The following TTLL5 variants were observed in gnomAD, a reference collection of about 807,000 sequenced individuals.
The protein encoded by TTLL5 is tubulin polyglutamylase TTLL5.
Under a neutral mutation model 168.4 loss-of-function variants are expected in TTLL5, and 132 were observed. The observed-to-expected ratio is 0.78, with a 90% confidence interval of 0.68 to 0.91. The LOEUF is 0.91. TTLL5 is among the 40% of genes least tolerant of loss of function. TTLL5 has a pLI of 0.00. For missense variants in TTLL5, 1,545 were observed against 1,581.5 expected, an observed-to-expected ratio of 0.98 and a Z score of 0.39; for synonymous variants, 546 against 558.6, an observed-to-expected ratio of 0.98 and a Z score of 0.32.
At chr14:75,929,302 C>A (rs1004976357) in intron 31 of TTLL5, among the ~76,000 whole-genome samples, 18 of 152,096 alleles carry the variant, frequency 1.2e-4, no homozygotes, top group African/African-American at 4.3e-4. Flanking sequence ...GTCTCAGGGT[C>A]CTCATGGTTT....
chr14:75,775,361 G>C (rs1246157668), intron 21 of TTLL5, 123 bp from the exon 22 acceptor site: 2 of 1,131,446 alleles, frequency 1.8e-6, no homozygotes, highest in Non-Finnish European at 2.5e-6. Context: ...TCTGGGTCTT[G>C]TTTGTTGAAA....
intron 23 of TTLL5, 88 bp downstream of exon 23, chr14:75,776,938 C>A: frequency 9.4e-7 from 1 of 1,063,002 alleles, no homozygotes. Context: ...GTTTCTGATA[C>A]ATGGATGTGA....
intron 10 of TTLL5, among the ~76,000 whole-genome samples, chr14:75,718,832 A>C (rs1372015546): frequency 1.3e-5 from 2 of 152,220 alleles, no homozygotes; most frequent in African/African-American, 4.8e-5. Flanking sequence ...AGAGACCCAA[A>C]TAGTTACTTT....
chr14:75,809,608 G>A (rs1893872209), intron 27 of TTLL5, among the ~76,000 whole-genome samples: 2 of 152,118 alleles, frequency 1.3e-5, no homozygotes, highest in African/African-American at 4.8e-5. Context: ...ACTATTTTGA[G>A]ATATACAATA....
chr14:75,668,185 A>C (rs1883438905), intron 2 of TTLL5, among the ~76,000 whole-genome samples: 1 of 152,128 alleles, frequency 6.6e-6, no homozygotes, highest in African/African-American at 2.4e-5. Flanking sequence ...GGCCAAGTGG[A>C]TTGTATTGCA....
Position 75,954,474 on chromosome 14 carries a change from T to C in TTLL5, c.*28T>C. ...CACAAACACACAGAGAAACAACCTG[T>C]TCACCACTCCTGGGTGCATGATTGA... On this transcript the variant is annotated 3_prime_UTR_variant, in exon 32 of 32. Coordinates refer to ENST00000298832, the MANE Select transcript of TTLL5 (RefSeq NM_015072.5). The C allele has an allele frequency of 6.2e-7, 1 of 1,613,226 alleles. No homozygotes were observed. The highest frequency in any genetic ancestry group is 8.5e-7 in the Non-Finnish European group (1 of 1,179,340).
intron 30 of TTLL5, chr14:75,886,585 T>C: frequency 8.2e-7 from 1 of 1,214,326 alleles, no homozygotes; most frequent in Admixed American, 2.3e-5. Context: ...TAGCTAAATC[T>C]CATTTGTCAG....
At chr14:75,930,621 C>T in intron 31 of TTLL5, 1 of 985,244 alleles carries the variant, frequency 1.0e-6, no homozygotes, top group East Asian at 1.1e-4. Flanking sequence ...ATTCACGGAA[C>T]AAGTGGATCA....
In TTLL5 at chr14:75,848,064, G is replaced by A. The variant is rs140920705; in HGVS notation, c.3327-15603G>A. The stretch of plus-strand genomic sequence containing the variant: ...AGAAAGAAAAAGTACAGGTGGAGAA[G>A]GTTTAAAAAAAAGGTGGAGTTTTGG... On this transcript the variant is annotated intron_variant, in intron 28 of 31. Coordinates refer to ENST00000298832, the MANE Select transcript of TTLL5 (RefSeq NM_015072.5). Among the ~76,000 whole-genome samples the A allele has an allele frequency of 6.8e-4, 103 of 151,232 alleles. 2 individuals are homozygous for A. In the East Asian group the frequency reaches 0.013, roughly 19 times the overall value.
In TTLL5 at chr14:75,775,550, C is replaced by A; in HGVS notation, c.2203C>A (p.Pro735Thr). The A allele has an allele frequency of 6.2e-7, 1 of 1,614,100 alleles. No homozygotes were observed. ...CCAGCATTCACTGAGGATGGTATTACCCAGTCGACGATTGGCACTTCTGGA... is the reference window on the plus strand; with the variant it reads ...CCAGCATTCACTGAGGATGGTATTAACCAGTCGACGATTGGCACTTCTGGA... ...NLQHSLRMVL[P>T]SRRLALLERR... is the part of the protein sequence containing the mutation. Residue 735 changes from proline (P) to threonine (T), a missense_variant, in exon 22 of 32, where the codon CCC (proline) becomes ACC (threonine). Coordinates refer to ENST00000298832, the MANE Select transcript of TTLL5 (RefSeq NM_015072.5).
At chr14:75,891,502 C>A (rs1290877684) in intron 30 of TTLL5, among the ~76,000 whole-genome samples, 1 of 152,142 alleles carries the variant, frequency 6.6e-6, no homozygotes, top group African/African-American at 2.4e-5. Context: ...CACCAGTGGA[C>A]AAGACAGATC....
intron 2 of TTLL5, 144 bp from the exon 3 acceptor site, chr14:75,669,272 G>A: frequency 1.4e-6 from 1 of 699,138 alleles, no homozygotes. Flanking sequence ...CTAAGAATGG[G>A]AGATGTGATT....
intron 27 of TTLL5, among the ~76,000 whole-genome samples, chr14:75,818,038 C>G (rs1384051681): frequency 6.6e-6 from 1 of 151,522 alleles, no homozygotes; most frequent in Non-Finnish European, 1.5e-5. Context: ...CGGGGTTTCA[C>G]CATGTTAGCC....
At chr14:75,756,962 T>TTTG (rs138625752) in intron 18 of TTLL5, among the ~76,000 whole-genome samples, 111,148 of 150,524 alleles carry the variant, frequency 0.74, 41,512 homozygotes, top group Admixed American at 0.8. Context: ...CAATAGAGGT[T>TTTG]TTGTTGTTGT....
chr14:75,667,755 T>TG (rs1290082202), intron 2 of TTLL5, among the ~76,000 whole-genome samples: 1 of 140,396 alleles, frequency 7.1e-6, no homozygotes, highest in African/African-American at 2.6e-5. Context: ...TTTTATGTTT[T>TG]TTTTTTTTTT....
Position 75,695,550 on chromosome 14 carries a change from G to A in TTLL5, c.503-3638G>A, listed in dbSNP as rs201960814. On this transcript the variant is annotated intron_variant, in intron 6 of 31. Coordinates refer to ENST00000298832, the MANE Select transcript of TTLL5 (RefSeq NM_015072.5). ...TCACTAATAAAAACTTGCTGGTTTT[G>A]CGGCTCAGGGGGCATCATGGAACCT... Among the ~76,000 whole-genome samples the A allele has an allele frequency of 9.9e-5, 15 of 152,134 alleles. No individual in the cohort carries two copies. In the East Asian group the frequency reaches 2.9e-3, roughly 29 times the overall value.
chr14:75,851,921 T>C (rs1896876870), intron 28 of TTLL5, among the ~76,000 whole-genome samples: 1 of 152,252 alleles, frequency 6.6e-6, no homozygotes, highest in African/African-American at 2.4e-5. Flanking sequence ...CCCCGAAAGC[T>C]TGGGTTCACT....
chr14:75,742,116 T>C (rs1318380702), intron 15 of TTLL5, among the ~76,000 whole-genome samples: 1 of 152,234 alleles, frequency 6.6e-6, no homozygotes, highest in Non-Finnish European at 1.5e-5. Context: ...TAATAACTTT[T>C]TCTTTAAGTA....
intron 28 of TTLL5, among the ~76,000 whole-genome samples, chr14:75,856,984 T>C (rs886936420): frequency 1.3e-5 from 2 of 152,238 alleles, no homozygotes; most frequent in African/African-American, 4.8e-5. Context: ...TATAAAAATA[T>C]GATTTCATTT....
Sources: gnomAD v4.1 joint callset for allele counts (sites outside exome capture counted in the v4.1 genomes callset) on GRCh38, gnomAD v4.1.1 for gene constraint, MANE v1.5 for transcripts, NCBI Gene and HGNC (gene_info 2026-07-23, HGNC 2026-07-21) for gene names.